ELMO1: variants seen among roughly 807,000 people sequenced by gnomAD.
The protein encoded by ELMO1 is engulfment and cell motility protein 1.
In ELMO1, 26 loss-of-function variants were observed where a neutral mutation model predicts 98.9. That is an observed-to-expected ratio of 0.26 (90% CI 0.19 to 0.36). The LOEUF (loss-of-function observed/expected upper bound fraction) is 0.36. ELMO1 is among the 10% of genes least tolerant of loss of function. The pLI, the probability that ELMO1 is intolerant of heterozygous loss-of-function variation, is 1.00. For synonymous variants in ELMO1, 346 were observed against 346.0 expected (o/e 1.00, Z 0.00); for missense variants, 627 against 935.2 (o/e 0.67, Z 4.30).
intron 16 of ELMO1, among the ~76,000 whole-genome samples, chr7:36,964,112 T>C (rs1476122347): frequency 6.6e-6 from 1 of 152,210 alleles, no homozygotes; most frequent in East Asian, 1.9e-4. Context: ...CTCCCTAGAG[T>C]GCCAATAGTT....
intron 1 of ELMO1, among the ~76,000 whole-genome samples, chr7:37,444,160 G>A (rs1043441843): frequency 2.0e-5 from 3 of 152,146 alleles, no homozygotes; most frequent in Non-Finnish European, 4.4e-5. Context: ...GCCAATCCAA[G>A]CCCAGGTCAG....
chr7:37,183,534 G>C (rs1584776345), intron 13 of ELMO1, among the ~76,000 whole-genome samples: 1 of 141,652 alleles, frequency 7.1e-6, no homozygotes, highest in Non-Finnish European at 1.5e-5. Flanking sequence ...TAGAAAAGCT[G>C]ACCTCCTGTT....
chr7:36,922,209 G>A (rs531333481), intron 16 of ELMO1, among the ~76,000 whole-genome samples: 1 of 152,158 alleles, frequency 6.6e-6, no homozygotes, highest in South Asian at 2.1e-4. Context: ...CAAACCCACA[G>A]ATTCATTAGC....
intron 13 of ELMO1, among the ~76,000 whole-genome samples, chr7:37,195,370 C>T (rs1282908240): frequency 6.6e-6 from 1 of 152,236 alleles, no homozygotes; most frequent in Non-Finnish European, 1.5e-5. Context: ...TGAATCAACA[C>T]ATTAGTCTCT....
At chr7:36,966,509 C>G (rs143560229) in intron 16 of ELMO1, among the ~76,000 whole-genome samples, 82 of 152,340 alleles carry the variant, frequency 5.4e-4, no homozygotes, top group Non-Finnish European at 1.0e-3. Flanking sequence ...AAACACCAAT[C>G]TACGGTTCCA....
At chr7:36,983,020 A>G (rs1235723851) in intron 16 of ELMO1, among the ~76,000 whole-genome samples, 1 of 152,318 alleles carries the variant, frequency 6.6e-6, no homozygotes, top group East Asian at 1.9e-4. Context: ...CAGCCATTGC[A>G]GTTCATGGGA....
intron 15 of ELMO1, among the ~76,000 whole-genome samples, chr7:37,025,435 A>G (rs1049815615): frequency 1.3e-5 from 2 of 152,026 alleles, no homozygotes; most frequent in Non-Finnish European, 2.9e-5. Flanking sequence ...ATTATTTCTG[A>G]GTGTGTTTGT....
rs199694591 is a variant in ELMO1 at position 36,935,900 on chromosome 7, A to G, written c.1438-40883T>C. The stretch of plus-strand genomic sequence containing the variant: ...AGCTGTGTGATTTTGGAAAGAAGTG[A>G]GCGACTCCCTAAATCTGAGTGATTT... On this transcript the variant is annotated intron_variant, in intron 16 of 21. Transcript: ENST00000310758. Among the ~76,000 whole-genome samples, 3 of 152,146 alleles carry G rather than the reference A, an allele frequency of 2.0e-5. No individual in the cohort carries two copies. The East Asian group carries it at 5.8e-4, about 29-fold the overall frequency.
intron 2 of ELMO1, among the ~76,000 whole-genome samples, chr7:37,339,544 C>A (rs1800604965): frequency 6.6e-6 from 1 of 152,198 alleles, no homozygotes; most frequent in Non-Finnish European, 1.5e-5. Context: ...GTGATCTTTA[C>A]TGAACAAGGT....
chr7:36,963,392 TAAATAAATAAAA>T lies in ELMO1; in HGVS notation c.1437+49895_1437+49906del, dbSNP rs1236011685. Among the ~76,000 whole-genome samples, 270 of 139,566 alleles carry T rather than the reference TAAATAAATAAAA, an allele frequency of 1.9e-3. 2 individuals carry two copies. The highest frequency in any genetic ancestry group is 3.9e-3 in the African/African-American group (136 of 34,610). 91.6% of individuals were successfully genotyped at this position (139,566 alleles called of 152,430 possible). A position where few individuals can be genotyped will look rare whatever the true frequency, so the allele number is the denominator to read the frequency against. On this transcript the variant is annotated intron_variant, in intron 16 of 21. Transcript: ENST00000310758. Reference sequence around the variant, plus strand: ...ACTCCATCTCAAATAAATAAATAAATAAATAAATAAAAAAATAAATAAATAAAGGCATCTTTG... The same window carrying T: ...ACTCCATCTCAAATAAATAAATAAATAAATAAATAAATAAAGGCATCTTTG...
At chr7:37,083,764 C>A (rs1437432757) in intron 15 of ELMO1, among the ~76,000 whole-genome samples, 4 of 152,196 alleles carry the variant, frequency 2.6e-5, no homozygotes, top group African/African-American at 9.6e-5. Context: ...GCTGGAGCTG[C>A]CCCTGATAGC....
At chr7:37,155,366 C>A (rs186568068) in intron 13 of ELMO1, among the ~76,000 whole-genome samples, 1 of 151,810 alleles carries the variant, frequency 6.6e-6, no homozygotes, top group Admixed American at 6.6e-5. Flanking sequence ...CACAGACTGG[C>A]AAACTGGATA....
chr7:37,266,879 G>A lies in ELMO1; in HGVS notation c.243+4953C>T, dbSNP rs149541735. 5.6e-4 allele frequency among the ~76,000 whole-genome samples: 85 copies of A among 152,100 alleles called. 2 individuals carry two copies. In the East Asian group the frequency reaches 0.016, roughly 29 times the overall value. On this transcript the variant is annotated intron_variant, in intron 5 of 21. Transcript: ENST00000310758. ...AATACAAAAATTAGCCGGGCATGAT[G>A]GCGTACGCCTGTAGTCCCAGCTACT...
At chr7:36,949,614 G>T (rs1787800642) in intron 16 of ELMO1, among the ~76,000 whole-genome samples, 2 of 152,062 alleles carry the variant, frequency 1.3e-5, no homozygotes. Context: ...ATTACAGAAT[G>T]TTTAGCAGCA....
At chr7:37,375,538 A>G (rs1802301829) in intron 1 of ELMO1, 1 of 1,017,040 alleles carries the variant, frequency 9.8e-7, no homozygotes, top group East Asian at 2.4e-5. Flanking sequence ...ATGCCTAAGA[A>G]GAACCAGATT....
At chr7:37,193,039 A>G (rs1199783617) in intron 13 of ELMO1, among the ~76,000 whole-genome samples, 3 of 148,398 alleles carry the variant, frequency 2.0e-5, no homozygotes, top group Admixed American at 6.7e-5. Flanking sequence ...AGTGGAAAGA[A>G]AAAGTTCATG....
rs538795165 is a variant in ELMO1 at position 37,089,357 on chromosome 7, T to TA, written c.1300+7261dup. On this transcript the variant is annotated intron_variant, in intron 15 of 21. Transcript: ENST00000310758. ...TGTAGGTTTCTTTCTTGCTTTTTTTTAAAAAAAAACCCAGAGCAGTAGTAT... is the reference window on the plus strand; with the variant it reads ...TGTAGGTTTCTTTCTTGCTTTTTTTTAAAAAAAAAACCCAGAGCAGTAGTAT... Among the ~76,000 whole-genome samples, 95 of 151,526 alleles carry TA rather than the reference T, an allele frequency of 6.3e-4. No individual in the cohort carries two copies. In the Middle Eastern group the frequency reaches 0.01, roughly 17 times the overall value.
At position 37,211,421 on chromosome 7, in the gene ELMO1, T is replaced by C. The variant is rs755785851; in HGVS notation, c.1051A>G (p.Met351Val). ...AGCTTCTTATAATCTCGCGTGTACA[T>C]GGACTTGCGTTTCTCCATGCTGCCA... ...SSGSMEKRKS[M>V]YTRDYKKLGF... The change falls in exon 13 of 22, where the codon ATG (methionine) becomes GTG (valine). Residue 351 changes from methionine to valine, a missense_variant. Met to Val is a conservative substitution (Grantham distance 21). This residue lies in a region of ELMO1 where 492 missense variants were observed against 715.6 expected (regional missense o/e 0.69). Coordinates refer to ENST00000310758, the MANE Select transcript of ELMO1 (RefSeq NM_014800.11). 8 of 1,613,940 alleles carry C rather than the reference T, an allele frequency of 5.0e-6. No homozygotes were observed. The highest frequency in any genetic ancestry group is 1.3e-5 in the African/African-American group (1 of 74,920).
At chr7:37,366,352 A>C (rs1801902718) in intron 1 of ELMO1, among the ~76,000 whole-genome samples, 1 of 152,222 alleles carries the variant, frequency 6.6e-6, no homozygotes, top group African/African-American at 2.4e-5. Flanking sequence ...TATATTAAGA[A>C]AACAAACCAC....
Sources: gnomAD v4.1 joint callset for allele counts (sites outside exome capture counted in the v4.1 genomes callset) on GRCh38, gnomAD v4.1.1 for gene constraint, gnomAD v4.1.1 regional missense constraint, MANE v1.5 for transcripts, NCBI Gene and HGNC (gene_info 2026-07-23, HGNC 2026-07-21) for gene names.